The following PXDNL variants were observed in gnomAD, a reference collection of about 807,000 sequenced individuals.
PXDNL encodes the protein probable oxidoreductase PXDNL.
Under a neutral mutation model 150.8 loss-of-function variants are expected in PXDNL, and 145 were observed. The ratio of observed to expected loss-of-function variants is 0.96; its 90% CI spans 0.84 to 1.10. The LOEUF (loss-of-function observed/expected upper bound fraction) is 1.10, where lower values mean the gene tolerates loss of function less well. PXDNL is among the 50% of genes least tolerant of loss of function. PXDNL has a pLI of 0.00. For missense variants in PXDNL, 2,087 were observed against 1,873.9 expected (o/e 1.11, Z -2.10); for synonymous variants, 757 against 725.7 (o/e 1.04, Z -0.69).
chr8:51,550,196 C>CCAA (rs200063594), intron 4 of PXDNL, among the ~76,000 whole-genome samples: 2,142 of 151,888 alleles, frequency 0.014, 30 homozygotes, highest in Non-Finnish European at 0.016. Flanking sequence ...ATAAAAATTG[C>CCAA]CAACAACAAC....
intron 1 of PXDNL, among the ~76,000 whole-genome samples, chr8:51,691,259 A>G (rs904176734): frequency 1.3e-5 from 2 of 152,148 alleles, no homozygotes; most frequent in Admixed American, 6.5e-5. Flanking sequence ...CTATGTCCTG[A>G]ATGGTAATGC....
chr8:51,335,588 C>A (rs1223330152), intron 21 of PXDNL, among the ~76,000 whole-genome samples: 1 of 151,902 alleles, frequency 6.6e-6, no homozygotes, highest in Admixed American at 6.6e-5. Flanking sequence ...TGCATGCACA[C>A]ATTTTTGTAA....
intron 19 of PXDNL, among the ~76,000 whole-genome samples, chr8:51,357,267 A>G (rs939254167): frequency 2.0e-5 from 3 of 152,212 alleles, no homozygotes; most frequent in African/African-American, 7.2e-5. Flanking sequence ...ATCTTGTACC[A>G]AAGACATCCA....
At chr8:51,335,685 A>ACC (rs1379737506) in intron 21 of PXDNL, among the ~76,000 whole-genome samples, 1 of 138,704 alleles carries the variant, frequency 7.2e-6, no homozygotes, top group Non-Finnish European at 1.6e-5. Flanking sequence ...TATACCCTAC[A>ACC]CACACACACA....
At chr8:51,609,466 T>C (rs1813949297) in intron 2 of PXDNL, among the ~76,000 whole-genome samples, 1 of 152,062 alleles carries the variant, frequency 6.6e-6, no homozygotes, top group South Asian at 2.1e-4. Context: ...CATAATTCCA[T>C]GTTGGGAGGG....
At chr8:51,577,750 C>CA (rs1563470826) in intron 3 of PXDNL, among the ~76,000 whole-genome samples, 1 of 150,162 alleles carries the variant, frequency 6.7e-6, no homozygotes, top group Non-Finnish European at 1.5e-5. Flanking sequence ...AAGAGTTTGA[C>CA]AAAAAACCTA....
chr8:51,785,246 A>C (rs1402831745), intron 1 of PXDNL, among the ~76,000 whole-genome samples: 1 of 145,204 alleles, frequency 6.9e-6, no homozygotes, highest in African/African-American at 2.5e-5. Context: ...TGTACCTGCC[A>C]AAAAAAAAAA....
chr8:51,404,233 A>T lies in PXDNL; in HGVS notation c.3557+3834T>A, dbSNP rs188461639. Reference sequence around the variant, plus strand: ...AGAACAAAGCTTCCACACTGTCGAAAGAGACCGGAGTGGATTGCCACTGTT... The same window carrying T: ...AGAACAAAGCTTCCACACTGTCGAATGAGACCGGAGTGGATTGCCACTGTT... On this transcript the variant is annotated intron_variant, in intron 17 of 22. Coordinates refer to ENST00000356297, the MANE Select transcript of PXDNL (RefSeq NM_144651.5). 3.0e-4 allele frequency among the ~76,000 whole-genome samples: 46 copies of T among 152,360 alleles called. 1 individual carries two copies. Among genetic ancestry groups the T allele is most frequent in the Admixed American group, 3.0e-3 (46 of 15,310 alleles).
At chr8:51,464,818 TAACA>T (rs2130048196) in intron 8 of PXDNL, among the ~76,000 whole-genome samples, 1 of 152,276 alleles carries the variant, frequency 6.6e-6, no homozygotes, top group South Asian at 2.1e-4. Context: ...TATACTTATG[TAACA>T]AACCTGCACG....
At chr8:51,679,891 T>C (rs560057571) in intron 1 of PXDNL, among the ~76,000 whole-genome samples, 1 of 152,306 alleles carries the variant, frequency 6.6e-6, no homozygotes, top group Non-Finnish European at 1.5e-5. Flanking sequence ...GCCAAAGTTA[T>C]CCCTGTTTGT....
chr8:51,669,162 G>A (rs1815449074), intron 1 of PXDNL, among the ~76,000 whole-genome samples: 1 of 152,130 alleles, frequency 6.6e-6, no homozygotes, highest in South Asian at 2.1e-4. Flanking sequence ...TATGCTGAAA[G>A]AAATTTTGTT....
At chr8:51,668,683 A>G (rs989975549) in intron 1 of PXDNL, among the ~76,000 whole-genome samples, 3 of 152,222 alleles carry the variant, frequency 2.0e-5, no homozygotes, top group African/African-American at 7.2e-5. Context: ...TCCCATTTAC[A>G]TACACAATTC....
intron 14 of PXDNL, 73 bp from the exon 15 acceptor site, chr8:51,413,331 A>T: frequency 1.2e-6 from 1 of 835,176 alleles, no homozygotes; most frequent in Non-Finnish European, 2.0e-6. Context: ...TATGAATGGC[A>T]TTACATTTTT....
In PXDNL at chr8:51,409,289, G is replaced by A; in HGVS notation, c.2335C>T (p.Pro779Ser). The A allele has an allele frequency of 1.4e-6, 2 of 1,422,686 alleles. No homozygotes were observed. The highest frequency in any genetic ancestry group is 1.5e-5 in the South Asian group (1 of 66,310). 88.1% of individuals were successfully genotyped at this position (1,422,686 alleles called of 1,614,324 possible). ...CACACTGTGGCGACCAGCCGGGGCG[G>A]CGGGAGGGGCTGGCGGGAGCCCACA... Reference protein sequence around the residue: ...LPVGSRQPLPPPRLVATVWAR... With the variant: ...LPVGSRQPLPSPRLVATVWAR... The change falls in exon 17 of 23, where the codon CCG becomes TCG. Residue 779 changes from proline to serine, a missense_variant. Transcript: ENST00000356297.
intron 3 of PXDNL, among the ~76,000 whole-genome samples, chr8:51,590,579 G>C (rs999504713): frequency 2.0e-5 from 3 of 152,226 alleles, no homozygotes; most frequent in Admixed American, 6.5e-5. Flanking sequence ...TATTGTGGAA[G>C]TCTAAGGTTT....
At chr8:51,466,452 A>T (rs1016743587) in intron 8 of PXDNL, among the ~76,000 whole-genome samples, 1 of 152,138 alleles carries the variant, frequency 6.6e-6, no homozygotes, top group Non-Finnish European at 1.5e-5. Flanking sequence ...ATTTTAGAAA[A>T]CCTAAGAAAT....
intron 17 of PXDNL, among the ~76,000 whole-genome samples, chr8:51,383,453 A>C (rs904481722): frequency 2.0e-5 from 3 of 152,186 alleles, no homozygotes; most frequent in African/African-American, 7.2e-5. Context: ...GACAATACAC[A>C]CCAAGCCCCT....
At position 51,329,135 on chromosome 8, in the gene PXDNL, C is replaced by T. The variant is rs111519810; in HGVS notation, c.4147-8238G>A. ...GAGCAATGCTTGTGAAAATCATAGC[C>T]TCAGAACATAAGCCCACTAGAAAGC... On this transcript the variant is annotated intron_variant, in intron 21 of 22. Transcript: ENST00000356297. Among the ~76,000 whole-genome samples, 222 of 152,252 alleles carry T rather than the reference C, an allele frequency of 1.5e-3. 1 individual carries two copies. Among genetic ancestry groups the T allele is most frequent in the Admixed American group, 3.5e-3 (53 of 15,292 alleles).
At chr8:51,753,003 C>A (rs533300310) in intron 1 of PXDNL, among the ~76,000 whole-genome samples, 3 of 152,338 alleles carry the variant, frequency 2.0e-5, no homozygotes, top group East Asian at 3.9e-4. Context: ...GTGGCGACTG[C>A]CAACATGCGG....
Sources: allele counts gnomAD v4.1 joint callset (sites outside exome capture counted in the v4.1 genomes callset), GRCh38; gene constraint gnomAD v4.1.1; transcripts MANE v1.5; gene names NCBI Gene and HGNC (gene_info 2026-07-23, HGNC 2026-07-21).